Variants in STEAP1B observed in about 807,000 individuals in gnomAD.
STEAP1B encodes the protein STEAP family protein MGC87042.
A neutral mutation model predicts 27.9 loss-of-function variants in STEAP1B; 13 were observed. The observed-to-expected ratio is 0.47, with a 90% CI of 0.30 to 0.74. The LOEUF is 0.74. Among genes scored for constraint, STEAP1B ranks in the 30% least tolerant of loss-of-function variants. STEAP1B has a pLI of 0.06. For synonymous variants in STEAP1B, 86 were observed against 107.1 expected, an observed-to-expected ratio of 0.80 and a Z score of 1.22; for missense variants, 250 against 298.7, an observed-to-expected ratio of 0.84 and a Z score of 1.20.
At chr7:22,499,382 G>GTTTTTTTT (rs762539777) in intron 1 of STEAP1B, among the ~76,000 whole-genome samples, 3 of 150,016 alleles carry the variant, frequency 2.0e-5, no homozygotes, top group African/African-American at 7.4e-5. Context: ...AGTTTTTTGG[G>GTTTTTTTT]TTTTTTTTTC....
At chr7:22,464,212 AG>A (rs1425132136) in intron 4 of STEAP1B, among the ~76,000 whole-genome samples, 1 of 152,224 alleles carries the variant, frequency 6.6e-6, no homozygotes, top group Non-Finnish European at 1.5e-5. Context: ...CAATGCCATT[AG>A]GAAGATTTAT....
At chr7:22,495,186 C>T (rs6972788) in intron 1 of STEAP1B, among the ~76,000 whole-genome samples, 90,565 of 152,062 alleles carry the variant, frequency 0.6, 27,334 homozygotes, top group African/African-American at 0.69. Context: ...GAAGATTTAA[C>T]TTCAGGTTTC....
At chr7:22,469,381 G>A (rs1434407427) in intron 4 of STEAP1B, among the ~76,000 whole-genome samples, 1 of 152,122 alleles carries the variant, frequency 6.6e-6, no homozygotes, top group African/African-American at 2.4e-5. Context: ...GCTAATTATT[G>A]AAGAATGTTT....
chr7:22,491,103 G>A (rs1684843249), intron 4 of STEAP1B, among the ~76,000 whole-genome samples: 1 of 152,218 alleles, frequency 6.6e-6, no homozygotes, highest in African/African-American at 2.4e-5. Flanking sequence ...CTGCAGATAT[G>A]TAGTAGTAAG....
intron 4 of STEAP1B, among the ~76,000 whole-genome samples, chr7:22,481,301 C>T (rs1398340019): frequency 1.3e-5 from 2 of 152,214 alleles, no homozygotes; most frequent in South Asian, 4.1e-4. Context: ...TGGAGCCAGA[C>T]TACCTGTATT....
intron 4 of STEAP1B, among the ~76,000 whole-genome samples, chr7:22,492,038 T>A (rs16873219): frequency 0.11 from 16,518 of 151,850 alleles, 996 homozygotes; most frequent in Non-Finnish European, 0.13. Flanking sequence ...AAGCCATAGG[T>A]AGGCCGGGCG....
At chr7:22,479,632 C>T (rs73085115) in intron 4 of STEAP1B, among the ~76,000 whole-genome samples, 13,855 of 150,440 alleles carry the variant, frequency 0.092, 732 homozygotes, top group Non-Finnish European at 0.12. Context: ...AACCTCTCTC[C>T]CCCTAGAGTG....
At chr7:22,482,964 T>C (rs1273471272) in intron 4 of STEAP1B, among the ~76,000 whole-genome samples, 2 of 152,042 alleles carry the variant, frequency 1.3e-5, no homozygotes, top group Non-Finnish European at 2.9e-5. Context: ...TAAAATGAGG[T>C]GCACCTTGTC....
intron 3 of STEAP1B, 72 bp downstream of exon 3, chr7:22,493,252 C>A: frequency 6.9e-7 from 1 of 1,445,922 alleles, no homozygotes; most frequent in Non-Finnish European, 9.3e-7. Flanking sequence ...ATTGATATTA[C>A]AATGAGAAAT....
At chr7:22,498,721 G>C (rs1182828730) in intron 1 of STEAP1B, among the ~76,000 whole-genome samples, 1 of 152,232 alleles carries the variant, frequency 6.6e-6, no homozygotes, top group South Asian at 2.1e-4. Flanking sequence ...GCATGGGAAG[G>C]GAAGTAGAGG....
At chr7:22,465,324 A>C in intron 4 of STEAP1B, among the ~76,000 whole-genome samples, 1 of 152,146 alleles carries the variant, frequency 6.6e-6, no homozygotes, top group Non-Finnish European at 1.5e-5. Context: ...GATAAGCGAA[A>C]CCACAGAAAG....
intron 4 of STEAP1B, among the ~76,000 whole-genome samples, chr7:22,469,952 G>A (rs952785633): frequency 6.6e-6 from 1 of 152,202 alleles, no homozygotes; most frequent in Non-Finnish European, 1.5e-5. Context: ...TTAAAAAAAA[G>A]ATATGCACAC....
intron 4 of STEAP1B, among the ~76,000 whole-genome samples, chr7:22,478,783 G>A (rs112478812): frequency 7.5e-4 from 114 of 152,284 alleles, no homozygotes; most frequent in Non-Finnish European, 1.4e-3. Context: ...CTTAAAATGC[G>A]ACTACTTTGG....
intron 4 of STEAP1B, among the ~76,000 whole-genome samples, chr7:22,427,513 T>C (rs10263191): frequency 0.039 from 5,923 of 152,158 alleles, 212 homozygotes; most frequent in African/African-American, 0.079. Context: ...TTGGTGGAGG[T>C]CCCTAGTTTA....
chr7:22,450,901 A>G (rs536674048), intron 4 of STEAP1B, among the ~76,000 whole-genome samples: 6 of 152,068 alleles, frequency 3.9e-5, no homozygotes, highest in Non-Finnish European at 8.8e-5. Context: ...TTTTGTGACT[A>G]CTGAAAATGG....
intron 4 of STEAP1B, among the ~76,000 whole-genome samples, chr7:22,489,095 C>G (rs1408947482): frequency 6.6e-6 from 1 of 152,152 alleles, no homozygotes. Context: ...AGGGAGAAAC[C>G]AGAAACCCGA....
chr7:22,494,778 A>G lies in STEAP1B; in HGVS notation c.78T>C (p.Asp26=). 6.5e-7 allele frequency: 1 copy of G among 1,530,880 alleles called. No homozygotes were observed. Among genetic ancestry groups the G allele is most frequent in the South Asian group, 1.2e-5 (1 of 82,270 alleles). The allele number at this position is 1,530,880 out of a possible 1,614,324, so 94.8% of individuals were successfully genotyped here. Reference sequence around the variant, plus strand: ...GTCATTATTAATATTTTACCAAATAATCGTTGTCTTCTAAATTTCTCCTAG... The same window carrying G: ...GTCATTATTAATATTTTACCAAATAGTCGTTGTCTTCTAAATTTCTCCTAG... ...MKPRRNLEDN[D]YLHEDTGETS... Residue 26 remains aspartate (D), a synonymous_variant, in exon 2 of 5, where the codon GAT becomes GAC. Transcript: ENST00000678116.
intron 2 of STEAP1B, 106 bp from the exon 3 acceptor site, chr7:22,493,942 C>T (rs1583356808): frequency 1.5e-6 from 2 of 1,344,650 alleles, no homozygotes; most frequent in East Asian, 2.5e-5. Flanking sequence ...TGAATAAGGG[C>T]ATTCAGAATC....
rs76827047 is a variant in STEAP1B at position 22,488,010 on chromosome 7, A to G, written c.762+4555T>C. ...TAAAGGGTGACTGGCATTCTAACCC[A>G]TTTGTGAGGTTGAGAATCTGAAAAG... On this transcript the variant is annotated intron_variant, in intron 4 of 4. Coordinates refer to ENST00000678116, the MANE Select transcript of STEAP1B (RefSeq NM_001382447.1). 5.9e-5 allele frequency among the ~76,000 whole-genome samples: 9 copies of G among 152,174 alleles called. No individual in the cohort carries two copies. The East Asian group carries it at 1.7e-3, about 29-fold the overall frequency.
Sources: allele counts gnomAD v4.1 joint callset (sites outside exome capture counted in the v4.1 genomes callset), GRCh38; gene constraint gnomAD v4.1.1; transcripts MANE v1.5; gene names NCBI Gene and HGNC (gene_info 2026-07-23, HGNC 2026-07-21).